SYNPO: variants seen among roughly 807,000 people sequenced by gnomAD.
The protein encoded by SYNPO is synaptopodin.
SYNPO carries 19 observed loss-of-function variants against 49.5 expected under a neutral mutation model. The ratio of observed to expected loss-of-function variants is 0.38; its 90% CI spans 0.27 to 0.56. The LOEUF (loss-of-function observed/expected upper bound fraction) is 0.56, where lower values mean the gene tolerates loss of function less well. SYNPO is among the 20% of genes least tolerant of loss of function. The pLI, the probability that SYNPO is intolerant of heterozygous loss-of-function variation, is 0.68. For synonymous variants in SYNPO, 536 were observed against 548.0 expected (o/e 0.98, Z 0.31); for missense variants, 1,131 against 1,248.3 (o/e 0.91, Z 1.42).
chr5:150,643,198 G>C (rs1038623691), intron 1 of SYNPO, among the ~76,000 whole-genome samples: 3 of 152,180 alleles, frequency 2.0e-5, no homozygotes, highest in Non-Finnish European at 2.9e-5. Context: ...GGTGCTCTCT[G>C]CAGTAACGTA....
chr5:150,611,843 G>A (rs1436006091), intron 1 of SYNPO, among the ~76,000 whole-genome samples: 1 of 152,246 alleles, frequency 6.6e-6, no homozygotes, highest in Non-Finnish European at 1.5e-5. Flanking sequence ...GAATTCAGGT[G>A]TAGCAGCAAC....
Position 150,625,056 on chromosome 5 carries a change from C to T in SYNPO, c.400+6289C>T, listed in dbSNP as rs570541842. The T allele has an allele frequency of 3.5e-6, 3 of 856,636 alleles. No individual in the cohort carries two copies. The African/African-American group carries it at 5.5e-5, about 16-fold the overall frequency. 53.1% of individuals were successfully genotyped at this position (856,636 alleles called of 1,614,324 possible). A position where few individuals can be genotyped will look rare whatever the true frequency, so the allele number is the denominator to read the frequency against. On this transcript the variant is annotated intron_variant, in intron 2 of 2. Coordinates refer to the SYNPO transcript ENST00000394243. Reference sequence around the variant, plus strand: ...CGGGGTGACCTTGGCCAAGTCGCTTCTACACTTTGGGCCTCAGTTTCCCCA... The same window carrying T: ...CGGGGTGACCTTGGCCAAGTCGCTTTTACACTTTGGGCCTCAGTTTCCCCA...
At chr5:150,605,048 C>T (rs556918017) in intron 1 of SYNPO, among the ~76,000 whole-genome samples, 5 of 152,266 alleles carry the variant, frequency 3.3e-5, no homozygotes, top group South Asian at 2.1e-4. Context: ...GGCAGTTATG[C>T]GGATGAAATG....
At chr5:150,638,361 C>T (rs1167862221), upstream of SYNPO, among the ~76,000 whole-genome samples, 3 of 152,200 alleles carry the variant, frequency 2.0e-5, no homozygotes, top group Admixed American at 6.5e-5. Flanking sequence ...TTGCTCTCTC[C>T]TTCCTTCTCC....
Sources: gnomAD v4.1 joint callset for allele counts (sites outside exome capture counted in the v4.1 genomes callset) on GRCh38, gnomAD v4.1.1 for gene constraint, MANE v1.5 for transcripts, NCBI Gene and HGNC (gene_info 2026-07-23, HGNC 2026-07-21) for gene names.